RYR3: variants seen among roughly 807,000 people sequenced by gnomAD.
RYR3 encodes brain ryanodine receptor-calcium release channel.
RYR3 carries 207 observed loss-of-function variants against 584.3 expected under a neutral mutation model. The observed-to-expected ratio is 0.35, with a 90% CI of 0.32 to 0.40. The LOEUF (loss-of-function observed/expected upper bound fraction) is 0.40. Among genes scored for constraint, RYR3 ranks in the 10% least tolerant of loss-of-function variants. The probability of loss-of-function intolerance (pLI) is 1.00; values close to 1 mark genes in which losing one functional copy is unlikely to be tolerated. For missense variants in RYR3, 5,616 were observed against 6,089.2 expected (o/e 0.92, Z 2.59); for synonymous variants, 2,416 against 2,248.5 (o/e 1.07, Z -2.11).
chr15:33,695,068 C>A (rs1461106521), intron 38 of RYR3, among the ~76,000 whole-genome samples: 1 of 152,194 alleles, frequency 6.6e-6, no homozygotes, highest in Non-Finnish European at 1.5e-5. Context: ...TCTGTTTACT[C>A]CCCTTTCTTT....
chr15:33,798,381 A>G (rs1440416238), intron 67 of RYR3, among the ~76,000 whole-genome samples: 1 of 152,174 alleles, frequency 6.6e-6, no homozygotes, highest in Admixed American at 6.5e-5. Context: ...GTGAGCCACC[A>G]TGCCCAGCCT....
rs554404301 is a variant in RYR3 at position 33,579,871 on chromosome 15, C to T, written c.1269-105C>T. On this transcript the variant is annotated intron_variant, in intron 12 of 103. Coordinates refer to ENST00000634891, the MANE Select transcript of RYR3 (RefSeq NM_001036.6). ...GTACAGTGGCCGCCCAAGGAAGCAACTCATGGTGCACCGTGGGGGGCTGTT... is the reference window on the plus strand; with the variant it reads ...GTACAGTGGCCGCCCAAGGAAGCAATTCATGGTGCACCGTGGGGGGCTGTT... 254 of 759,342 alleles carry T rather than the reference C, an allele frequency of 3.3e-4. 2 individuals carry two copies. In the African/African-American group the frequency reaches 4.2e-3, roughly 13 times the overall value. 47.0% of individuals were successfully genotyped at this position (759,342 alleles called of 1,614,324 possible). A position where few individuals can be genotyped will look rare whatever the true frequency, so the allele number is the denominator to read the frequency against.
At chr15:33,790,373 T>A (rs2075082202) in intron 67 of RYR3, among the ~76,000 whole-genome samples, 1 of 152,152 alleles carries the variant, frequency 6.6e-6, no homozygotes, top group Non-Finnish European at 1.5e-5. Flanking sequence ...CAGTGAAGGT[T>A]GCCAGAAGTT....
intron 31 of RYR3, 64 bp downstream of exon 31, chr15:33,649,299 T>C: frequency 6.8e-7 from 1 of 1,474,456 alleles, no homozygotes; most frequent in Non-Finnish European, 9.3e-7. Flanking sequence ...CCCAGTCTTT[T>C]TCTTCCACCC....
chr15:33,648,972 G>A lies in RYR3; in HGVS notation c.3979-100G>A, dbSNP rs184722178. ...GCACTTTTCCAGAAAAAAAAGGGGG[G>A]GCCAAGTGAGCTGCTGTGTTATTTC... On this transcript the variant is annotated intron_variant, in intron 30 of 103. Transcript: ENST00000634891. 6.1e-5 allele frequency: 72 copies of A among 1,185,014 alleles called. No individual in the cohort carries two copies. In the Admixed American group the frequency reaches 1.4e-3, roughly 23 times the overall value. The allele number at this position is 1,185,014 out of a possible 1,614,324, so 73.4% of individuals were successfully genotyped here.
intron 16 of RYR3, among the ~76,000 whole-genome samples, chr15:33,588,273 T>C (rs2058956360): frequency 6.6e-6 from 1 of 152,210 alleles, no homozygotes; most frequent in African/African-American, 2.4e-5. Flanking sequence ...ACACAGCTAA[T>C]TAATGACAGA....
intron 69 of RYR3, among the ~76,000 whole-genome samples, chr15:33,803,185 C>T (rs946589665): frequency 6.6e-6 from 1 of 152,172 alleles, no homozygotes; most frequent in Non-Finnish European, 1.5e-5. Context: ...TAAGTATACA[C>T]TTTTAGTATG....
At chr15:33,444,515 G>A (rs1253875930) in intron 1 of RYR3, among the ~76,000 whole-genome samples, 1 of 152,168 alleles carries the variant, frequency 6.6e-6, no homozygotes, top group Non-Finnish European at 1.5e-5. Flanking sequence ...TGAAGGAGAT[G>A]GAGCCTCCCT....
At position 33,662,208 on chromosome 15, in the gene RYR3, C is replaced by T. The variant is rs778637615; in HGVS notation, c.4678C>T (p.His1560Tyr). The change falls in exon 35 of 104, where the codon CAC becomes TAC. Residue 1560 changes from histidine to tyrosine, a missense_variant. His to Tyr is a moderately conservative substitution (Grantham distance 83). Coordinates refer to ENST00000634891, the MANE Select transcript of RYR3 (RefSeq NM_001036.6). The stretch of plus-strand genomic sequence containing the variant: ...GGAGGACCTGATGCGGTTCCATTAC[C>T]ACACGCTGAGGCTCTACAGCGCGGT... ...EQEDLMRFHY[H>Y]TLRLYSAVCA... 2 of 1,607,994 alleles carry T rather than the reference C, an allele frequency of 1.2e-6. No individual in the cohort carries two copies. Among genetic ancestry groups the T allele is most frequent in the Admixed American group, 1.7e-5 (1 of 59,312 alleles).
chr15:33,586,722 T>C (rs2058866627), intron 16 of RYR3, among the ~76,000 whole-genome samples: 1 of 152,198 alleles, frequency 6.6e-6, no homozygotes, highest in Admixed American at 6.5e-5. Context: ...TGGAATGCTA[T>C]ATCATTTTTT....
intron 58 of RYR3, among the ~76,000 whole-genome samples, chr15:33,756,059 C>A (rs1459894668): frequency 6.6e-6 from 1 of 152,194 alleles, no homozygotes; most frequent in Non-Finnish European, 1.5e-5. Flanking sequence ...CAGGTGTTAG[C>A]CATCGCGCCC....
At chr15:33,756,733 T>C (rs1301614799) in intron 59 of RYR3, among the ~76,000 whole-genome samples, 3 of 152,124 alleles carry the variant, frequency 2.0e-5, no homozygotes, top group Non-Finnish European at 2.9e-5. Context: ...TCCCAATGGC[T>C]AGAACTTGTC....
At chr15:33,543,551 A>G in intron 7 of RYR3, 71 bp from the exon 8 acceptor site, 2 of 979,008 alleles carry the variant, frequency 2.0e-6, no homozygotes, top group South Asian at 1.3e-5. Context: ...GTGTGAATTT[A>G]CCCTTTTTAA....
At chr15:33,362,622 C>T (rs1974937950) in intron 1 of RYR3, among the ~76,000 whole-genome samples, 1 of 152,200 alleles carries the variant, frequency 6.6e-6, no homozygotes, top group Non-Finnish European at 1.5e-5. Flanking sequence ...CTCAGCCTTC[C>T]TTGTCAGTCT....
At chr15:33,682,164 A>C (rs574399136) in intron 38 of RYR3, among the ~76,000 whole-genome samples, 2 of 152,322 alleles carry the variant, frequency 1.3e-5, no homozygotes, top group South Asian at 4.1e-4. Flanking sequence ...AGGGTCACAC[A>C]TGGTGGGCTT....
intron 16 of RYR3, among the ~76,000 whole-genome samples, chr15:33,600,202 A>ACTGT (rs2059589958): frequency 6.6e-6 from 1 of 152,242 alleles, no homozygotes; most frequent in Admixed American, 6.5e-5. Context: ...CTGGAACAAA[A>ACTGT]CTGTCATTCA....
rs149843707 is a variant in RYR3 at position 33,554,972 on chromosome 15, A to G, written c.972+4656A>G. ...GAAGTGCTTTAAATAGCCACTTTAA[A>G]TGACTACACCATACATCTTGAATGA... On this transcript the variant is annotated intron_variant, in intron 10 of 103. Transcript: ENST00000634891. Among the ~76,000 whole-genome samples the G allele has an allele frequency of 4.5e-3, 680 of 152,336 alleles. 3 individuals are homozygous for G. Among genetic ancestry groups the G allele is most frequent in the South Asian group, 0.018 (85 of 4,826 alleles).
At chr15:33,861,215 T>G in intron 102 of RYR3, 37 bp downstream of exon 102, 10 of 1,472,746 alleles carry the variant, frequency 6.8e-6, no homozygotes, top group Non-Finnish European at 8.4e-6. Flanking sequence ...ATGGCAGCTG[T>G]AGCGTAAATA....
At chr15:33,633,221 T>C in intron 24 of RYR3, 113 bp downstream of exon 24, 1 of 998,642 alleles carries the variant, frequency 1.0e-6, no homozygotes, top group Non-Finnish European at 1.5e-6. Flanking sequence ...TTGCACTCTA[T>C]CCCTCACACC....
Sources: gnomAD v4.1 joint callset for allele counts (sites outside exome capture counted in the v4.1 genomes callset) on GRCh38, gnomAD v4.1.1 for gene constraint, MANE v1.5 for transcripts, NCBI Gene and HGNC (gene_info 2026-07-23, HGNC 2026-07-21) for gene names.